Variants in RARS1 observed in about 807,000 individuals in gnomAD.
RARS1 encodes the protein arginyl-tRNA synthetase 1.
In RARS1, 75 loss-of-function variants were observed where a neutral mutation model predicts 78.7. The observed-to-expected ratio is 0.95, with a 90% CI of 0.79 to 1.15. The LOEUF is 1.15. RARS1 is among the 50% of genes most tolerant of loss of function. RARS1 has a pLI of 0.00. For synonymous variants in RARS1, 273 were observed against 268.2 expected, an observed-to-expected ratio of 1.02 and a Z score of -0.18; for missense variants, 787 against 787.5, an observed-to-expected ratio of 1.00 and a Z score of 0.01.
At chr5:168,515,328 T>TC (rs869034852) in intron 12 of RARS1, among the ~76,000 whole-genome samples, 1 of 152,090 alleles carries the variant, frequency 6.6e-6, no homozygotes, top group African/African-American at 2.4e-5. Context: ...TTTATCTTTT[T>TC]CCCCCCACAA....
At chr5:168,514,316 A>G (rs996493032) in intron 12 of RARS1, among the ~76,000 whole-genome samples, 8 of 152,076 alleles carry the variant, frequency 5.3e-5, no homozygotes, top group Admixed American at 2.6e-4. Context: ...ACTTTTCCGC[A>G]TTCTGTTATT....
chr5:168,488,848 C>T (rs1034659320), intron 2 of RARS1, 112 bp downstream of exon 2: 7 of 1,246,418 alleles, frequency 5.6e-6, no homozygotes, highest in Non-Finnish European at 7.7e-6. Context: ...GGAAAAGAAG[C>T]ATAGAAACCC....
rs148553661 is a variant in RARS1, at chr5:168,497,487, C to T, written c.822+139C>T. 4,448 of 624,918 alleles carry T rather than the reference C, an allele frequency of 7.1e-3. 28 individuals carry two copies. The highest frequency in any genetic ancestry group is 8.3e-3 in the Non-Finnish European group (3,355 of 405,758). 38.7% of individuals were successfully genotyped at this position (624,918 alleles called of 1,614,324 possible). On this transcript the variant is annotated intron_variant, in intron 7 of 14. Transcript: ENST00000231572. ...TGCTAACAGCCTTAGTAATACATGT[C>T]TCTGTATAAATGACATTCTCTTGAA...
intron 12 of RARS1, among the ~76,000 whole-genome samples, chr5:168,514,588 G>C (rs1054232995): frequency 6.6e-6 from 1 of 152,088 alleles, no homozygotes; most frequent in African/African-American, 2.4e-5. Context: ...TTGCAAGATA[G>C]TACAAAGAAT....
Position 168,510,681 on chromosome 5 carries a change from G to A in RARS1, c.1447G>A (p.Asp483Asn). The A allele has an allele frequency of 6.3e-7, 1 of 1,598,424 alleles. No individual in the cohort carries two copies. Among genetic ancestry groups the A allele is most frequent in the Non-Finnish European group, 8.5e-7 (1 of 1,173,604 alleles). The change falls in exon 12 of 15, where the codon GAC becomes AAC. Residue 483 changes from aspartate (D) to asparagine (N), a missense_variant. Asp to Asn is a conservative substitution (Grantham distance 23). Transcript: ENST00000231572. ...GGACAAGTTGAAGGAAAAAGAAAGA[G>A]ACAAGGTAATTCAAAGCCTTATAGG... ...SMDKLKEKER[D>N]KVLTAEELNA...
chr5:168,494,750 A>C, intron 5 of RARS1, 100 bp downstream of exon 5: 1 of 855,288 alleles, frequency 1.2e-6, no homozygotes, highest in Non-Finnish European at 1.9e-6. Flanking sequence ...GGGAGGCTGA[A>C]GCAGGAGGAT....
At chr5:168,508,619 CAAAAAAAAAAAA>C (rs34579916) in intron 11 of RARS1, among the ~76,000 whole-genome samples, 2 of 61,262 alleles carry the variant, frequency 3.3e-5, no homozygotes, top group Non-Finnish European at 6.4e-5. Flanking sequence ...GACTCTGTCT[CAAAAAAAAAAAA>C]AAAAAAAAAA....
rs1474236729 is a variant in RARS1, at chr5:168,510,782, G to T, written c.1452+96G>T. The T allele has an allele frequency of 1.0e-5, 8 of 782,854 alleles. No individual in the cohort carries two copies. The African/African-American group carries it at 1.3e-4, about 12-fold the overall frequency. The allele number at this position is 782,854 out of a possible 1,614,324, so 48.5% of individuals were successfully genotyped here. ...AACTGAGGAGAAGTGTGAGGAGTCA[G>T]TCCCACCTAGGACAAGGCTTATATT... On this transcript the variant is annotated intron_variant, in intron 12 of 14. Transcript: ENST00000231572.
At chr5:168,514,746 C>A (rs1416990033) in intron 12 of RARS1, among the ~76,000 whole-genome samples, 1 of 152,138 alleles carries the variant, frequency 6.6e-6, no homozygotes, top group East Asian at 1.9e-4. Context: ...TCACTAATGA[C>A]CTTTTTCTAG....
At chr5:168,490,725 T>C (rs1463796927) in intron 2 of RARS1, among the ~76,000 whole-genome samples, 1 of 152,204 alleles carries the variant, frequency 6.6e-6, no homozygotes, top group Non-Finnish European at 1.5e-5. Flanking sequence ...AGACAACTTG[T>C]TGAATTGATT....
Position 168,486,652 on chromosome 5 carries a change from C to T in RARS1, c.45+109C>T, listed in dbSNP as rs370999574. Reference sequence around the variant, plus strand: ...CAGCTAGGCGAGGACCATCCTGGTCCTCTCAGAGTGGAGCGGCACGGTCCC... The same window carrying T: ...CAGCTAGGCGAGGACCATCCTGGTCTTCTCAGAGTGGAGCGGCACGGTCCC... On this transcript the variant is annotated intron_variant, in intron 1 of 14. Coordinates refer to ENST00000231572, the MANE Select transcript of RARS1 (RefSeq NM_002887.4). The T allele has an allele frequency of 2.3e-4, 275 of 1,187,534 alleles. 10 individuals carry two copies. In the South Asian group the frequency reaches 3.4e-3, roughly 15 times the overall value. The allele number at this position is 1,187,534 out of a possible 1,614,324, so 73.6% of individuals were successfully genotyped here. A position where few individuals can be genotyped will look rare whatever the true frequency, so the allele number is the denominator to read the frequency against.
Position 168,517,139 on chromosome 5 carries a change from T to G in RARS1, c.1625+189T>G, listed in dbSNP as rs193286726. Among the ~76,000 whole-genome samples the G allele has an allele frequency of 3.7e-4, 57 of 152,224 alleles. No homozygotes were observed. In the East Asian group the frequency reaches 8.7e-3, roughly 23 times the overall value. ...TACACCTGACTTCTAAAGTGTTTTT[T>G]TTTGTTTGTTTGTTTATTTTTGAGA... On this transcript the variant is annotated intron_variant, in intron 13 of 14. Transcript: ENST00000231572.
intron 2 of RARS1, among the ~76,000 whole-genome samples, chr5:168,490,703 T>C (rs899848936): frequency 1.3e-5 from 2 of 152,092 alleles, no homozygotes; most frequent in African/African-American, 4.8e-5. Flanking sequence ...GCATCACATA[T>C]GAAACTGGTA....
intron 8 of RARS1, 58 bp from the exon 9 acceptor site, chr5:168,501,943 C>T: frequency 1.9e-6 from 3 of 1,544,420 alleles, no homozygotes; most frequent in South Asian, 1.3e-5. Context: ...ATGCATGTTT[C>T]CTGTTTTTAA....
intron 13 of RARS1, among the ~76,000 whole-genome samples, chr5:168,517,436 C>G (rs1254206409): frequency 6.6e-6 from 1 of 152,194 alleles, no homozygotes; most frequent in South Asian, 2.1e-4. Context: ...AGCCATCACG[C>G]TCAGCCTAAA....
At chr5:168,505,833 G>A (rs1226797057) in intron 9 of RARS1, among the ~76,000 whole-genome samples, 188 bp from the exon 10 acceptor site, 1 of 151,888 alleles carries the variant, frequency 6.6e-6, no homozygotes, top group Non-Finnish European at 1.5e-5. Context: ...AACCTTGATG[G>A]TTAACATTTT....
intron 2 of RARS1, among the ~76,000 whole-genome samples, chr5:168,491,476 G>A (rs1758081782): frequency 6.6e-6 from 1 of 152,206 alleles, no homozygotes; most frequent in Non-Finnish European, 1.5e-5. Context: ...TTACCACAGA[G>A]AGGAGTCAAT....
intron 12 of RARS1, among the ~76,000 whole-genome samples, chr5:168,514,566 G>A (rs1758627132): frequency 6.6e-6 from 1 of 151,968 alleles, no homozygotes. Flanking sequence ...AACGGTTTTA[G>A]ACATAAAAAA....
intron 12 of RARS1, among the ~76,000 whole-genome samples, chr5:168,514,728 A>T (rs1375768135): frequency 2.0e-5 from 3 of 152,206 alleles, no homozygotes; most frequent in African/African-American, 7.2e-5. Context: ...CTGGTTGTAC[A>T]GTTGGTCTCA....
Sources: allele counts gnomAD v4.1 joint callset (sites outside exome capture counted in the v4.1 genomes callset), GRCh38; gene constraint gnomAD v4.1.1; transcripts MANE v1.5; gene names NCBI Gene and HGNC (gene_info 2026-07-23, HGNC 2026-07-21).